Variants in KCNMA1 observed in about 807,000 individuals in gnomAD.
KCNMA1 encodes potassium calcium-activated channel subfamily M alpha 1.
A neutral mutation model predicts 140.0 loss-of-function variants in KCNMA1; 29 were observed. That is an observed-to-expected ratio of 0.21 (90% CI 0.15 to 0.28). The LOEUF (loss-of-function observed/expected upper bound fraction) is 0.28, where lower values mean the gene tolerates loss of function less well. KCNMA1 is among the 10% of genes least tolerant of loss of function. The pLI is 1.00. For synonymous variants in KCNMA1, 612 were observed against 611.9 expected, an observed-to-expected ratio of 1.00 and a Z score of 0.00; for missense variants, 880 against 1,602.2, an observed-to-expected ratio of 0.55 and a Z score of 7.70.
intron 3 of KCNMA1, among the ~76,000 whole-genome samples, chr10:77,218,772 C>T (rs1476352090): frequency 6.6e-6 from 1 of 152,090 alleles, no homozygotes; most frequent in Non-Finnish European, 1.5e-5. Flanking sequence ...CTGCAACCTC[C>T]GCTTCCTGGG....
chr10:76,976,458 T>C (rs2077558102), intron 19 of KCNMA1, among the ~76,000 whole-genome samples: 1 of 152,176 alleles, frequency 6.6e-6, no homozygotes. Flanking sequence ...TATAAATATA[T>C]GAACAGAATC....
At chr10:77,105,524 T>C (rs34009508) in intron 9 of KCNMA1, among the ~76,000 whole-genome samples, 3 of 152,188 alleles carry the variant, frequency 2.0e-5, no homozygotes, top group Non-Finnish European at 2.9e-5. Flanking sequence ...CATTTCTGAA[T>C]AAAATATGCA....
At chr10:77,086,896 TG>T (rs2096705273) in intron 10 of KCNMA1, among the ~76,000 whole-genome samples, 1 of 152,230 alleles carries the variant, frequency 6.6e-6, no homozygotes, top group South Asian at 2.1e-4. Flanking sequence ...ATATGGAAGC[TG>T]GGCTGCGCCA....
chr10:76,941,045 G>GAA (rs2061952285), intron 23 of KCNMA1, among the ~76,000 whole-genome samples: 1 of 74,842 alleles, frequency 1.3e-5, no homozygotes, highest in Non-Finnish European at 2.7e-5. Context: ...AAGAAAGAAA[G>GAA]AAAGAAAGAG....
intron 9 of KCNMA1, among the ~76,000 whole-genome samples, chr10:77,104,332 T>C (rs932511316): frequency 6.6e-6 from 1 of 152,206 alleles, no homozygotes; most frequent in African/African-American, 2.4e-5. Context: ...CACAGGCAGC[T>C]TTCTTGAATT....
chr10:77,388,064 C>T (rs1036768886), intron 2 of KCNMA1, among the ~76,000 whole-genome samples: 1 of 152,202 alleles, frequency 6.6e-6, no homozygotes, highest in Non-Finnish European at 1.5e-5. Flanking sequence ...TTCACCATTG[C>T]TAGACTTGAT....
chr10:77,577,106 TTTC>T (rs2074401655), intron 1 of KCNMA1, among the ~76,000 whole-genome samples: 2 of 146,054 alleles, frequency 1.4e-5, no homozygotes, highest in Non-Finnish European at 1.6e-5. Flanking sequence ...TCTCTTTTTT[TTTC>T]TTTCCTCGGC....
At chr10:77,197,816 T>A (rs2041064939) in intron 3 of KCNMA1, among the ~76,000 whole-genome samples, 1 of 152,142 alleles carries the variant, frequency 6.6e-6, no homozygotes, top group South Asian at 2.1e-4. Context: ...GAGTCTGCAG[T>A]GCGGCTCCTG....
At chr10:77,027,939 G>A in intron 15 of KCNMA1, 48 bp from the exon 16 acceptor site, 2 of 1,486,330 alleles carry the variant, frequency 1.3e-6, no homozygotes, top group Non-Finnish European at 1.9e-6. Context: ...TGAATGACCA[G>A]AGCCACATAA....
chr10:76,941,118 G>GGGAAT (rs2062121964), intron 23 of KCNMA1, among the ~76,000 whole-genome samples: 1 of 54,312 alleles, frequency 1.8e-5, no homozygotes, highest in South Asian at 6.6e-4. Context: ...GAGGGAGGGA[G>GGGAAT]GGAAGGGAAG....
intron 2 of KCNMA1, among the ~76,000 whole-genome samples, chr10:77,371,715 A>T (rs1237082843): frequency 6.6e-6 from 1 of 152,036 alleles, no homozygotes; most frequent in Non-Finnish European, 1.5e-5. Flanking sequence ...TATGATATGC[A>T]CTTCCAGTTC....
At chr10:77,100,752 T>C (rs1370858571) in intron 9 of KCNMA1, among the ~76,000 whole-genome samples, 1 of 152,194 alleles carries the variant, frequency 6.6e-6, no homozygotes, top group Non-Finnish European at 1.5e-5. Flanking sequence ...TGGCTGCAAT[T>C]GTTCCTGAGA....
chr10:76,928,950 T>TCAA (rs2058548772), intron 23 of KCNMA1, among the ~76,000 whole-genome samples: 1 of 152,234 alleles, frequency 6.6e-6, no homozygotes, highest in Non-Finnish European at 1.5e-5. Flanking sequence ...AGTACTGCTG[T>TCAA]ATTTATCTCT....
At chr10:77,567,364 T>C (rs547582766) in intron 1 of KCNMA1, among the ~76,000 whole-genome samples, 7 of 152,336 alleles carry the variant, frequency 4.6e-5, no homozygotes, top group African/African-American at 7.2e-5. Flanking sequence ...AGTCCAAGAC[T>C]GACCTTCTGG....
At chr10:77,615,507 G>A (rs1006319864) in intron 1 of KCNMA1, among the ~76,000 whole-genome samples, 4 of 152,154 alleles carry the variant, frequency 2.6e-5, no homozygotes, top group Admixed American at 6.5e-5. Context: ...AGGGACTGCT[G>A]GAGCCACCAG....
rs57568550 is a variant in KCNMA1, at chr10:77,178,212, G to A, written c.808+5209C>T. On this transcript the variant is annotated intron_variant, in intron 5 of 27. Transcript: ENST00000286628. ...TGACCATGGTCCCTTATCATATGCC[G>A]ATTTCATCAGTCAAAGAACAGGGGA... Among the ~76,000 whole-genome samples the A allele has an allele frequency of 6.2e-3, 938 of 152,198 alleles. 7 individuals are homozygous for A. The highest frequency in any genetic ancestry group is 0.021 in the African/African-American group (882 of 41,492).
At chr10:77,614,049 A>G (rs1372111767) in intron 1 of KCNMA1, among the ~76,000 whole-genome samples, 2 of 152,102 alleles carry the variant, frequency 1.3e-5, no homozygotes, top group Non-Finnish European at 2.9e-5. Context: ...CCTCCCTACC[A>G]CTGCCCAGGC....
intron 1 of KCNMA1, among the ~76,000 whole-genome samples, chr10:77,525,359 G>A (rs1375648296): frequency 6.6e-6 from 1 of 152,176 alleles, no homozygotes; most frequent in Non-Finnish European, 1.5e-5. Flanking sequence ...CAGATGCCTT[G>A]AGGCTTCTTT....
intron 2 of KCNMA1, among the ~76,000 whole-genome samples, chr10:77,323,945 C>T (rs1436386503): frequency 1.3e-5 from 2 of 152,210 alleles, no homozygotes; most frequent in African/African-American, 4.8e-5. Flanking sequence ...CTAGACAGAA[C>T]ATTCTGTGAG....
Sources: allele counts gnomAD v4.1 joint callset (sites outside exome capture counted in the v4.1 genomes callset), GRCh38; gene constraint gnomAD v4.1.1; transcripts MANE v1.5; gene names NCBI Gene and HGNC (gene_info 2026-07-23, HGNC 2026-07-21).